Variants in DHRSX observed in about 807,000 individuals in gnomAD.
The protein encoded by DHRSX is polyprenol dehydrogenase.
Under a neutral mutation model 34.0 loss-of-function variants are expected in DHRSX, and 31 were observed. That is an observed-to-expected ratio of 0.91 (90% CI 0.69 to 1.23). DHRSX has a LOEUF of 1.23. DHRSX is among the 50% of genes most tolerant of loss of function. The pLI, the probability that DHRSX is intolerant of heterozygous loss-of-function variation, is 0.00. For synonymous variants in DHRSX, 201 were observed against 183.8 expected, an observed-to-expected ratio of 1.09 and a Z score of -0.76; for missense variants, 414 against 428.1, an observed-to-expected ratio of 0.97 and a Z score of 0.29.
chrX:2,276,362 C>T (rs1367712900), intron 4 of DHRSX, among the ~76,000 whole-genome samples: 1 of 152,140 alleles, frequency 6.6e-6, no homozygotes, highest in Non-Finnish European at 1.5e-5. Context: ...TCTGTCTCTT[C>T]GCCAATTCAA....
intron 1 of DHRSX, among the ~76,000 whole-genome samples, chrX:2,447,441 C>G (rs1294781331): frequency 6.6e-6 from 1 of 152,110 alleles, no homozygotes; most frequent in Non-Finnish European, 1.5e-5. Flanking sequence ...CCACCTTGTA[C>G]ACAGTAAAGA....
intron 2 of DHRSX, among the ~76,000 whole-genome samples, chrX:2,412,915 G>C (rs1480556928): frequency 6.6e-6 from 1 of 152,128 alleles, no homozygotes; most frequent in Admixed American, 6.6e-5. Flanking sequence ...GATGATTATT[G>C]GCCAGGCGTG....
At chrX:2,412,842 T>A (rs1378444743) in intron 2 of DHRSX, among the ~76,000 whole-genome samples, 2 of 151,990 alleles carry the variant, frequency 1.3e-5, no homozygotes, top group East Asian at 3.9e-4. Flanking sequence ...TAAAACCAAA[T>A]CCCACATGAT....
chrX:2,394,597 G>T (rs180946263), intron 3 of DHRSX, among the ~76,000 whole-genome samples: 3 of 152,332 alleles, frequency 2.0e-5, no homozygotes, highest in African/African-American at 7.2e-5. Context: ...GCCGGGCACA[G>T]TGGCTCACGC....
rs151286710 is a variant in DHRSX, at chrX:2,490,273, G to A, written c.109+10544C>T. ...GGTCGGCCGTCTTCAGCAGCACCTT[G>A]AAGGTGGGCTCGTCCACGATGGAGG... On this transcript the variant is annotated intron_variant, in intron 1 of 6. Coordinates refer to ENST00000334651, the MANE Select transcript of DHRSX (RefSeq NM_145177.3). 9 of 1,613,714 alleles carry A rather than the reference G, an allele frequency of 5.6e-6. No individual in the cohort carries two copies. In the African/African-American group the frequency reaches 8.0e-5, roughly 14 times the overall value.
At chrX:2,325,851 T>TCTC (rs1556473888) in intron 3 of DHRSX, among the ~76,000 whole-genome samples, 1 of 151,654 alleles carries the variant, frequency 6.6e-6, no homozygotes, top group Non-Finnish European at 1.5e-5. Context: ...ACCATTTCTC[T>TCTC]TTCTCTTCTC....
chrX:2,411,777 C>T (rs1301351612), intron 2 of DHRSX, among the ~76,000 whole-genome samples: 2 of 151,784 alleles, frequency 1.3e-5, no homozygotes, highest in Non-Finnish European at 2.9e-5. Flanking sequence ...GGAAACATGC[C>T]GGAAGCTGGG....
intron 2 of DHRSX, among the ~76,000 whole-genome samples, chrX:2,417,542 C>T (rs1287055288): frequency 6.6e-6 from 1 of 151,896 alleles, no homozygotes; most frequent in African/African-American, 2.4e-5. Context: ...TCCACTAGGC[C>T]TCATCATGAC....
chrX:2,299,326 G>C (rs1014688005), intron 3 of DHRSX, among the ~76,000 whole-genome samples: 5 of 152,122 alleles, frequency 3.3e-5, no homozygotes, highest in African/African-American at 1.2e-4. Context: ...GATTCTGACA[G>C]TGAGACAGTA....
chrX:2,379,491 A>G (rs2043179171), intron 3 of DHRSX, among the ~76,000 whole-genome samples: 1 of 151,948 alleles, frequency 6.6e-6, no homozygotes, highest in Non-Finnish European at 1.5e-5. Context: ...AAACAGGTCA[A>G]CGGATGATCA....
At chrX:2,389,410 G>A (rs909115813) in intron 3 of DHRSX, among the ~76,000 whole-genome samples, 1 of 152,112 alleles carries the variant, frequency 6.6e-6, no homozygotes, top group Non-Finnish European at 1.5e-5. Flanking sequence ...AAGTGATGGC[G>A]GTAACCTGGG....
rs757388464 is a variant in DHRSX, at chrX:2,237,864, T to C, written c.804+5159A>G. Among the ~76,000 whole-genome samples, 75 of 152,164 alleles carry C rather than the reference T, an allele frequency of 4.9e-4. No individual in the cohort carries two copies. The East Asian group carries it at 0.013, about 27-fold the overall frequency. The stretch of plus-strand genomic sequence containing the variant: ...ACAACTGGGGTGGGAAGAGAGGTAA[T>C]AGCCACGTTCATTTGCTCCCTAGGA... On this transcript the variant is annotated intron_variant, in intron 6 of 6. Transcript: ENST00000334651.
chrX:2,408,875 G>A, intron 2 of DHRSX, 62 bp from the exon 3 acceptor site: 1 of 1,165,700 alleles, frequency 8.6e-7, no homozygotes. Flanking sequence ...ACTATTAACT[G>A]CAAAAAAAAA....
intron 3 of DHRSX, among the ~76,000 whole-genome samples, chrX:2,405,847 G>C (rs577252761): frequency 7.2e-5 from 11 of 151,848 alleles, no homozygotes; most frequent in African/African-American, 2.4e-4. Context: ...CCCCCACTTG[G>C]GGGAATTCTC....
chrX:2,484,746 G>C (rs1386497109), intron 1 of DHRSX, among the ~76,000 whole-genome samples: 2 of 152,064 alleles, frequency 1.3e-5, no homozygotes, highest in African/African-American at 2.4e-5. Flanking sequence ...AGATCACAGA[G>C]GGGAAAACAG....
In DHRSX at chrX:2,500,811, G is replaced by A. The variant is rs1184743346; in HGVS notation, c.109+6C>T. On this transcript the variant is annotated splice_donor_region_variant and intron_variant, in intron 1 of 6. Coordinates refer to ENST00000334651, the MANE Select transcript of DHRSX (RefSeq NM_145177.3). Reference sequence around the variant, plus strand: ...GGAGCCCTGACCCCTGCCCCGCCCCGCTGACCTGGCTCCAGGAAGCCCCCG... The same window carrying A: ...GGAGCCCTGACCCCTGCCCCGCCCCACTGACCTGGCTCCAGGAAGCCCCCG... 4 of 1,001,714 alleles carry A rather than the reference G, an allele frequency of 4.0e-6. No homozygotes were observed. Among genetic ancestry groups the A allele is most frequent in the South Asian group, 4.4e-5 (1 of 22,836 alleles). The allele number at this position is 1,001,714 out of a possible 1,614,324, so 62.1% of individuals were successfully genotyped here.
chrX:2,490,989 G>A (rs774847143), intron 1 of DHRSX, among the ~76,000 whole-genome samples: 15 of 151,990 alleles, frequency 9.9e-5, no homozygotes, highest in South Asian at 2.1e-4. Flanking sequence ...CGACTGCAGC[G>A]ATGCCGCACG....
At chrX:2,330,154 G>GGAAGGAGGAGGAGGA (rs2042445610) in intron 3 of DHRSX, among the ~76,000 whole-genome samples, 3 of 132,626 alleles carry the variant, frequency 2.3e-5, no homozygotes, top group Non-Finnish European at 4.8e-5. Context: ...GGAGGAGAAA[G>GGAAGGAGGAGGAGGA]GAAGGAGGAG....
intron 1 of DHRSX, among the ~76,000 whole-genome samples, chrX:2,445,839 ACT>A (rs1386768105): frequency 2.0e-5 from 3 of 152,084 alleles, no homozygotes; most frequent in Non-Finnish European, 2.9e-5. Context: ...CCGTGTACAC[ACT>A]GAGGACGTTC....
Sources: allele counts gnomAD v4.1 joint callset (sites outside exome capture counted in the v4.1 genomes callset), GRCh38; gene constraint gnomAD v4.1.1; transcripts MANE v1.5; gene names NCBI Gene and HGNC (gene_info 2026-07-23, HGNC 2026-07-21).